Variants in PTPRD observed in about 807,000 individuals in gnomAD.
PTPRD encodes protein tyrosine phosphatase receptor type D.
Under a neutral mutation model 214.5 loss-of-function variants are expected in PTPRD, and 34 were observed. The observed-to-expected ratio is 0.16, with a 90% CI of 0.12 to 0.21. The LOEUF (loss-of-function observed/expected upper bound fraction) is 0.21. Ranked by LOEUF, PTPRD falls within the 10% of genes least tolerant of loss-of-function variation. PTPRD has a pLI of 1.00. For synonymous variants in PTPRD, 1,128 were observed against 845.7 expected, an observed-to-expected ratio of 1.33 and a Z score of -5.79; for missense variants, 2,545 against 2,398.7, an observed-to-expected ratio of 1.06 and a Z score of -1.27.
chr9:8,557,451 T>TACAC (rs887383087), intron 14 of PTPRD, among the ~76,000 whole-genome samples: 7,578 of 135,340 alleles, frequency 0.056, 1,316 homozygotes, highest in African/African-American at 0.25. Flanking sequence ...TATATATATA[T>TACAC]ATATATTTGG....
chr9:9,746,635 T>C (rs1465104729), intron 6 of PTPRD, among the ~76,000 whole-genome samples: 1 of 152,130 alleles, frequency 6.6e-6, no homozygotes, highest in Non-Finnish European at 1.5e-5. Context: ...CCATTAGGGA[T>C]TCTGAGAAGT....
chr9:8,659,964 T>C (rs1403654961), intron 12 of PTPRD, among the ~76,000 whole-genome samples: 2 of 152,156 alleles, frequency 1.3e-5, no homozygotes, highest in Admixed American at 6.5e-5. Context: ...GATAATGCAA[T>C]ATCATACCTA....
At chr9:9,738,620 T>G (rs1564882725) in intron 6 of PTPRD, among the ~76,000 whole-genome samples, 1 of 151,844 alleles carries the variant, frequency 6.6e-6, no homozygotes, top group Non-Finnish European at 1.5e-5. Flanking sequence ...TTTTGTATTT[T>G]TAGTAGAGAT....
chr9:10,138,060 A>C (rs1218208845), intron 3 of PTPRD, among the ~76,000 whole-genome samples: 2 of 152,124 alleles, frequency 1.3e-5, no homozygotes, highest in African/African-American at 2.4e-5. Context: ...ACTGAAGAAA[A>C]TTGATATGCA....
At chr9:8,744,232 C>T (rs991327284) in intron 11 of PTPRD, among the ~76,000 whole-genome samples, 28 of 152,108 alleles carry the variant, frequency 1.8e-4, no homozygotes, top group African/African-American at 5.8e-4. Context: ...CTATGGAAAA[C>T]GGTGTGAAGA....
chr9:10,135,885 A>G (rs1337862243), intron 3 of PTPRD, among the ~76,000 whole-genome samples: 1 of 151,902 alleles, frequency 6.6e-6, no homozygotes, highest in East Asian at 1.9e-4. Flanking sequence ...ATCAACATTA[A>G]TCTTGATGGA....
intron 8 of PTPRD, among the ~76,000 whole-genome samples, chr9:9,468,452 G>C (rs950419663): frequency 6.6e-6 from 1 of 151,904 alleles, no homozygotes; most frequent in Non-Finnish European, 1.5e-5. Flanking sequence ...TGTGTGTGTT[G>C]TTTCCTGTCT....
chr9:9,828,254 C>G (rs2153595735), intron 5 of PTPRD, among the ~76,000 whole-genome samples: 1 of 152,196 alleles, frequency 6.6e-6, no homozygotes, highest in South Asian at 2.1e-4. Context: ...GGAACCAACC[C>G]AAATGTCCAA....
intron 8 of PTPRD, among the ~76,000 whole-genome samples, chr9:9,437,024 G>T (rs934884425): frequency 1.3e-5 from 2 of 152,146 alleles, no homozygotes; most frequent in African/African-American, 4.8e-5. Context: ...GTACAATGCA[G>T]ATCTTTTCCT....
chr9:8,704,376 G>C (rs1298310132), intron 12 of PTPRD, among the ~76,000 whole-genome samples: 1 of 152,128 alleles, frequency 6.6e-6, no homozygotes, highest in Non-Finnish European at 1.5e-5. Context: ...TTACAGGGAA[G>C]GAGGAAAGCA....
At chr9:10,055,363 C>T (rs2097611152) in intron 3 of PTPRD, among the ~76,000 whole-genome samples, 1 of 152,102 alleles carries the variant, frequency 6.6e-6, no homozygotes, top group African/African-American at 2.4e-5. Context: ...CCATTGAATA[C>T]TTACGAATAG....
chr9:10,578,709 G>A (rs369948102), intron 2 of PTPRD, among the ~76,000 whole-genome samples: 41 of 152,088 alleles, frequency 2.7e-4, no homozygotes, highest in Middle Eastern at 6.8e-3. Context: ...TGCCACTTTC[G>A]TTCATATTAG....
chr9:10,050,957 T>C (rs1164576242), intron 3 of PTPRD, among the ~76,000 whole-genome samples: 37 of 152,240 alleles, frequency 2.4e-4, no homozygotes, highest in Non-Finnish European at 1.3e-4. Context: ...GTAATGCTTA[T>C]TTTTCATAAA....
chr9:9,606,287 A>C (rs115572119), intron 7 of PTPRD, among the ~76,000 whole-genome samples: 2,371 of 152,176 alleles, frequency 0.016, 57 homozygotes, highest in African/African-American at 0.054. Flanking sequence ...CTATTTCCTG[A>C]ATTTCACTCT....
chr9:10,545,368 G>C (rs986899890), intron 2 of PTPRD, among the ~76,000 whole-genome samples: 2 of 152,118 alleles, frequency 1.3e-5, no homozygotes, highest in African/African-American at 2.4e-5. Flanking sequence ...TCAAGCATGA[G>C]GGGTCATTTC....
At chr9:8,862,547 G>C (rs576861895) in intron 11 of PTPRD, among the ~76,000 whole-genome samples, 1 of 152,296 alleles carries the variant, frequency 6.6e-6, no homozygotes, top group South Asian at 2.1e-4. Flanking sequence ...CTCAGAACTA[G>C]CTGATGATTG....
At chr9:9,321,598 C>T (rs2382001) in intron 9 of PTPRD, among the ~76,000 whole-genome samples, 111,783 of 150,798 alleles carry the variant, frequency 0.74, 41,691 homozygotes, top group East Asian at 0.92. Context: ...GCCATGTATG[C>T]ATATCTGATT....
At chr9:10,231,789 G>A (rs952979283) in intron 3 of PTPRD, among the ~76,000 whole-genome samples, 2 of 151,902 alleles carry the variant, frequency 1.3e-5, no homozygotes, top group Non-Finnish European at 2.9e-5. Context: ...CAAAGCTCAT[G>A]TTTAAATGTG....
At chr9:10,443,014 T>C (rs79166919) in intron 2 of PTPRD, among the ~76,000 whole-genome samples, 2,139 of 150,906 alleles carry the variant, frequency 0.014, 39 homozygotes, top group African/African-American at 0.046. Flanking sequence ...TCCTTTGGCA[T>C]AGAATTATAC....
Sources: gnomAD v4.1 joint callset for allele counts (sites outside exome capture counted in the v4.1 genomes callset) on GRCh38, gnomAD v4.1.1 for gene constraint, MANE v1.5 for transcripts, NCBI Gene and HGNC (gene_info 2026-07-23, HGNC 2026-07-21) for gene names.